DYNC1H1: variants seen among roughly 807,000 people sequenced by gnomAD.
DYNC1H1 encodes cytoplasmic dynein 1 heavy chain 1.
DYNC1H1 carries 51 observed loss-of-function variants against 527.1 expected under a neutral mutation model. That is an observed-to-expected ratio of 0.10 (90% confidence interval 0.08 to 0.12). The LOEUF (loss-of-function observed/expected upper bound fraction) is 0.12, where lower values mean the gene tolerates loss of function less well. Among genes scored for constraint, DYNC1H1 ranks in the 10% least tolerant of loss-of-function variants. The pLI, the probability that DYNC1H1 is intolerant of heterozygous loss-of-function variation, is 1.00. For missense variants in DYNC1H1, 2,771 were observed against 5,971.8 expected (o/e 0.46, Z 17.66); for synonymous variants, 2,189 against 2,278.8 (o/e 0.96, Z 1.12).
rs2048741751 is a variant in DYNC1H1, at chr14:102,047,639, GTGTATATATA to G, written c.13007-176_13007-167del. On this transcript the variant is annotated intron_variant, in intron 72 of 77. Coordinates refer to ENST00000360184, the MANE Select transcript of DYNC1H1 (RefSeq NM_001376.5). ...TATACACGTGTGTGTGTGTGTGTGT[GTGTATATATA>G]TATATATATATATATGTACACACGG... The G allele has an allele frequency of 8.6e-6, 3 of 350,024 alleles. No individual in the cohort carries two copies. The Admixed American group carries it at 1.4e-4, about 16-fold the overall frequency. The allele number at this position is 350,024 out of a possible 1,614,324, so 21.7% of individuals were successfully genotyped here.
intron 10 of DYNC1H1, among the ~76,000 whole-genome samples, chr14:101,990,111 C>A (rs965601733): frequency 6.6e-6 from 1 of 152,062 alleles, no homozygotes; most frequent in Non-Finnish European, 1.5e-5. Context: ...GTGATAGAAT[C>A]GCCTCACCGT....
At position 102,016,337 on chromosome 14, in the gene DYNC1H1, C is replaced by T. The variant is rs1595617424; in HGVS notation, c.7474-12C>T. The T allele has an allele frequency of 6.2e-7, 1 of 1,614,126 alleles. No individual in the cohort carries two copies. The highest frequency in any genetic ancestry group is 2.2e-5 in the East Asian group (1 of 44,892). ...TTTTATAAAAATCAAAGTTTAATTC[C>T]CTTTTTAATAGCGATATCTGGTTTA... On this transcript the variant is annotated splice_polypyrimidine_tract_variant and intron_variant, in intron 36 of 77. Transcript: ENST00000360184. This position sits in a 1 kb window ranked among gnomAD's most constrained non-coding sequence, Gnocchi z 7.3.
Position 101,985,032 on chromosome 14 carries a change from G to A in DYNC1H1, c.1462-655G>A, listed in dbSNP as rs540319810. ...TGACCGCAAGTGATCCACCCGCCCCGGCCTCCCGAAGTGCTGGGATTACCA... is the reference window on the plus strand; with the variant it reads ...TGACCGCAAGTGATCCACCCGCCCCAGCCTCCCGAAGTGCTGGGATTACCA... On this transcript the variant is annotated intron_variant, in intron 7 of 77. Coordinates refer to ENST00000360184, the MANE Select transcript of DYNC1H1 (RefSeq NM_001376.5). The surrounding 1 kb of genome is among the most constrained non-coding windows in gnomAD (Gnocchi z 5.9). Among the ~76,000 whole-genome samples the A allele has an allele frequency of 1.7e-4, 26 of 149,674 alleles. No individual in the cohort carries two copies. In the East Asian group the frequency reaches 2.0e-3, roughly 12 times the overall value.
In DYNC1H1 at chr14:101,964,875, C is replaced by T. The variant is rs777022618; in HGVS notation, c.184C>T (p.Leu62=). 6.3e-7 allele frequency: 1 copy of T among 1,598,524 alleles called. No individual in the cohort carries two copies. Among genetic ancestry groups the T allele is most frequent in the Non-Finnish European group, 8.5e-7 (1 of 1,173,626 alleles). ...GGCGGCGCTGGAGGAGAAGAGCGCC[C>T]TGGAGCAGATGCGCAAGTTCCTTTC... The part of the protein sequence containing the change: ...LEAALEEKSA[L]EQMRKFLSDP... The change falls in exon 1 of 78, where the codon CTG becomes TTG. Residue 62 remains leucine, a synonymous_variant. Coordinates refer to ENST00000360184, the MANE Select transcript of DYNC1H1 (RefSeq NM_001376.5). This position sits in a 1 kb window ranked among gnomAD's most constrained non-coding sequence, Gnocchi z 5.5.
At position 101,997,229 on chromosome 14, in the gene DYNC1H1, C is replaced by T. The variant is rs374582145; in HGVS notation, c.3759C>T (p.Arg1253=). The change falls in exon 16 of 78, where the codon CGC becomes CGT. Residue 1253 remains arginine, a synonymous_variant. Coordinates refer to ENST00000360184, the MANE Select transcript of DYNC1H1 (RefSeq NM_001376.5). This position sits in a 1 kb window ranked among gnomAD's most constrained non-coding sequence, Gnocchi z 4.8. ...AGGAGGATCGGGCCGTGGAAAGCCG[C>T]ACCACCGACCTGCTGACTGACTGGG... The part of the protein sequence containing the change: ...IVQEDRAVES[R]TTDLLTDWEK... The T allele has an allele frequency of 1.1e-5, 18 of 1,613,888 alleles. No individual in the cohort carries two copies. The highest frequency in any genetic ancestry group is 1.0e-4 in the Admixed American group (6 of 59,992).
Position 102,048,820 on chromosome 14 carries a change from G to T in DYNC1H1, c.13372+151G>T. The T allele has an allele frequency of 5.6e-6, 2 of 360,230 alleles. 1 individual carries two copies. The highest frequency in any genetic ancestry group is 1.1e-5 in the Non-Finnish European group (2 of 188,828). The allele number at this position is 360,230 out of a possible 1,614,324, so 22.3% of individuals were successfully genotyped here. ...CTGTGCTCTTACCCTCAAGGTGGGC[G>T]GGGGGAGGGGAGGAGCTTAGAAATG... On this transcript the variant is annotated intron_variant, in intron 74 of 77. Coordinates refer to ENST00000360184, the MANE Select transcript of DYNC1H1 (RefSeq NM_001376.5).
chr14:101,975,689 G>T (rs763541043), intron 1 of DYNC1H1, 23 bp from the exon 2 acceptor site: 12 of 1,584,260 alleles, frequency 7.6e-6, no homozygotes, highest in Non-Finnish European at 8.7e-6. Flanking sequence ...ATATTAATTT[G>T]ATATATTTAT....
In DYNC1H1 at chr14:102,020,139, G is replaced by A; in HGVS notation, c.8507+83G>A. Reference sequence around the variant, plus strand: ...CTGTCGAAGCTGGGGTCTTTGCAGGGGTGGTCTGCCTAAGTTAGAGCCAGG... The same window carrying A: ...CTGTCGAAGCTGGGGTCTTTGCAGGAGTGGTCTGCCTAAGTTAGAGCCAGG... On this transcript the variant is annotated intron_variant, in intron 42 of 77. Coordinates refer to ENST00000360184, the MANE Select transcript of DYNC1H1 (RefSeq NM_001376.5). The surrounding 1 kb of genome is among the most constrained non-coding windows in gnomAD (Gnocchi z 4.3). 2 of 1,557,962 alleles carry A rather than the reference G, an allele frequency of 1.3e-6. No individual in the cohort carries two copies. The highest frequency in any genetic ancestry group is 1.2e-5 in the South Asian group (1 of 86,182).
chr14:102,026,500 G>A (rs1393361280), intron 43 of DYNC1H1, 74 bp from the exon 44 acceptor site: 87 of 1,507,296 alleles, frequency 5.8e-5, no homozygotes, highest in Non-Finnish European at 9.2e-6. Flanking sequence ...ATGGTATGTG[G>A]ACATACAGTT....
In DYNC1H1 at chr14:101,990,986, C is replaced by T. The variant is rs182637795; in HGVS notation, c.2869-541C>T. Among the ~76,000 whole-genome samples the T allele has an allele frequency of 4.2e-3, 590 of 141,732 alleles. 2 individuals are homozygous for T. Among genetic ancestry groups the T allele is most frequent in the African/African-American group, 0.015 (557 of 37,710 alleles). 93.0% of individuals were successfully genotyped at this position (141,732 alleles called of 152,430 possible). A position where few individuals can be genotyped will look rare whatever the true frequency, so the allele number is the denominator to read the frequency against. On this transcript the variant is annotated intron_variant, in intron 10 of 77. Coordinates refer to ENST00000360184, the MANE Select transcript of DYNC1H1 (RefSeq NM_001376.5). ...ATGGCATCACTGCACTCCAGCCTGG[C>T]GACAGAGTGAGACTCCGTCTCAAAA...
chr14:102,012,164 T>A lies in DYNC1H1; in HGVS notation c.6857+51T>A. 6.2e-7 allele frequency: 1 copy of A among 1,612,394 alleles called. No individual in the cohort carries two copies. Among genetic ancestry groups the A allele is most frequent in the Non-Finnish European group, 8.5e-7 (1 of 1,178,490 alleles). On this transcript the variant is annotated intron_variant, in intron 33 of 77. Coordinates refer to ENST00000360184, the MANE Select transcript of DYNC1H1 (RefSeq NM_001376.5). This position sits in a 1 kb window ranked among gnomAD's most constrained non-coding sequence, Gnocchi z 4.9. ...TGTTCTCCTGGATATGGGCGCTAAGTACTTTGCTCTCACAAGAGCAGAGTA... is the reference window on the plus strand; with the variant it reads ...TGTTCTCCTGGATATGGGCGCTAAGAACTTTGCTCTCACAAGAGCAGAGTA...
intron 64 of DYNC1H1, chr14:102,040,980 A>C: frequency 2.1e-6 from 1 of 468,774 alleles, no homozygotes; most frequent in Non-Finnish European, 3.9e-6. Context: ...ACTGATTCCC[A>C]AGATAAGTAT....
chr14:102,032,827 T>A (rs2048525463), intron 52 of DYNC1H1: 1 of 582,164 alleles, frequency 1.7e-6, no homozygotes, highest in South Asian at 2.0e-5. Context: ...CACTCCAGCC[T>A]GGGTGACAGA....
Position 101,964,718 on chromosome 14 carries a change from C to T in DYNC1H1, c.27C>T (p.Gly9=). The T allele has an allele frequency of 1.3e-6, 2 of 1,597,540 alleles. No homozygotes were observed. The highest frequency in any genetic ancestry group is 1.1e-5 in the South Asian group (1 of 90,028). Residue 9 remains glycine (G), a synonymous_variant, in exon 1 of 78, where the codon GGC becomes GGT. Transcript: ENST00000360184. This position sits in a 1 kb window ranked among gnomAD's most constrained non-coding sequence, Gnocchi z 5.5. ...TGTCGGAGCCCGGGGGCGGCGGCGG[C>T]GAGGACGGCTCGGCCGGATTGGAAG... The part of the protein sequence containing the change: MSEPGGGG[G]EDGSAGLEVS...
At chr14:101,984,659 G>A (rs2047912084) in intron 7 of DYNC1H1, among the ~76,000 whole-genome samples, 3 of 150,524 alleles carry the variant, frequency 2.0e-5, no homozygotes, top group South Asian at 2.1e-4. Flanking sequence ...CCGGCCGGGC[G>A]CGGTGGCTCA....
rs34338935 is a variant in DYNC1H1 at position 102,027,708 on chromosome 14, G to A, written c.9138G>A (p.Ser3046=). 8.1e-6 allele frequency: 13 copies of A among 1,614,022 alleles called. No homozygotes were observed. Among genetic ancestry groups the A allele is most frequent in the Admixed American group, 3.3e-5 (2 of 59,992 alleles). ...GAQKEGLMLD[S]HEELYKWFTS... is the part of the protein sequence containing the mutation. ...AGAAGGAAGGCCTGATGCTGGACTC[G>A]CACGAGGAGCTCTACAAGTGGTTCA... The change falls in exon 47 of 78, where the codon TCG becomes TCA. Residue 3046 remains serine (S), a synonymous_variant. Coordinates refer to ENST00000360184, the MANE Select transcript of DYNC1H1 (RefSeq NM_001376.5). The surrounding 1 kb of genome is among the most constrained non-coding windows in gnomAD (Gnocchi z 7.7).
Position 102,012,932 on chromosome 14 carries a change from A to G in DYNC1H1, c.7014+462A>G. ...TGCACTGAGTCAGACCCTGTTCTAG[A>G]TGCTGAAAATACAGCAGTAAGAAAG... On this transcript the variant is annotated intron_variant, in intron 34 of 77. Transcript: ENST00000360184. The surrounding 1 kb of genome is among the most constrained non-coding windows in gnomAD (Gnocchi z 4.9). 1 of 219,312 alleles carries G rather than the reference A, an allele frequency of 4.6e-6. No individual in the cohort carries two copies. Among genetic ancestry groups the G allele is most frequent in the South Asian group, 6.6e-5 (1 of 15,100 alleles). 13.6% of individuals were successfully genotyped at this position (219,312 alleles called of 1,614,324 possible).
rs1035493561 is a variant in DYNC1H1 at position 102,001,348 on chromosome 14, G to A, written c.4389G>A (p.Leu1463=). 1.9e-6 allele frequency: 3 copies of A among 1,614,116 alleles called. No homozygotes were observed. The highest frequency in any genetic ancestry group is 2.5e-6 in the Non-Finnish European group (3 of 1,180,026). ...GGGAGATGGCTTTGGAAGAATTTTTGAAGCAGGCGAGTAATAGGACTGAAC... is the reference window on the plus strand; with the variant it reads ...GGGAGATGGCTTTGGAAGAATTTTTAAAGCAGGCGAGTAATAGGACTGAAC... The part of the protein sequence containing the change: ...AQGEMALEEF[L]KQIREVWNTY... Residue 1463 remains leucine (L), a synonymous_variant, in exon 20 of 78, where the codon TTG becomes TTA. Transcript: ENST00000360184. This position sits in a 1 kb window ranked among gnomAD's most constrained non-coding sequence, Gnocchi z 5.0.
In DYNC1H1 at chr14:102,048,338, A is replaced by G. The variant is rs1417033635; in HGVS notation, c.13219-178A>G. The G allele has an allele frequency of 4.5e-6, 4 of 898,790 alleles. No individual in the cohort carries two copies. In the Admixed American group the frequency reaches 6.8e-5, roughly 15 times the overall value. The allele number at this position is 898,790 out of a possible 1,614,324, so 55.7% of individuals were successfully genotyped here. A position where few individuals can be genotyped will look rare whatever the true frequency, so the allele number is the denominator to read the frequency against. On this transcript the variant is annotated intron_variant, in intron 73 of 77. Coordinates refer to ENST00000360184, the MANE Select transcript of DYNC1H1 (RefSeq NM_001376.5). ...GGGCAGGGGCCTCAGCGGGTTTCTG[A>G]GCAGCCTCAGCTTCACACAAGCTCG...
Sources: allele counts gnomAD v4.1 joint callset (sites outside exome capture counted in the v4.1 genomes callset), GRCh38; gene constraint gnomAD v4.1.1; non-coding constraint Gnocchi (gnomAD v3.1); transcripts MANE v1.5; gene names NCBI Gene and HGNC (gene_info 2026-07-23, HGNC 2026-07-21).